The following NCK2 variants were observed in gnomAD, a reference collection of about 807,000 sequenced individuals.
NCK2 encodes cytoplasmic protein NCK2.
Under a neutral mutation model 33.9 loss-of-function variants are expected in NCK2, and 16 were observed. That is an observed-to-expected ratio of 0.47 (90% CI 0.32 to 0.72). NCK2 has a LOEUF of 0.72. Among genes scored for constraint, NCK2 ranks in the 30% least tolerant of loss-of-function variants. The pLI is 0.03. For synonymous variants in NCK2, 273 were observed against 239.9 expected (o/e 1.14, Z -1.27); for missense variants, 418 against 537.3 (o/e 0.78, Z 2.19).
intron 1 of NCK2, among the ~76,000 whole-genome samples, chr2:105,754,235 G>A (rs937678797): frequency 3.3e-5 from 5 of 152,212 alleles, no homozygotes; most frequent in African/African-American, 9.6e-5. Context: ...TCCAGGATAT[G>A]TGGTGGCAAA....
intron 4 of NCK2, among the ~76,000 whole-genome samples, chr2:105,882,650 G>A (rs1024210698): frequency 4.6e-5 from 7 of 152,170 alleles, no homozygotes; most frequent in Non-Finnish European, 8.8e-5. Flanking sequence ...TCGGAGATAT[G>A]AGGCCACTCG....
chr2:105,760,034 A>T (rs1288513489), intron 1 of NCK2, among the ~76,000 whole-genome samples: 1 of 152,114 alleles, frequency 6.6e-6, no homozygotes, highest in African/African-American at 2.4e-5. Context: ...AAGTGACTCC[A>T]CTGTCAAGTG....
chr2:105,812,202 C>T (rs1289677308), intron 1 of NCK2, among the ~76,000 whole-genome samples: 1 of 152,296 alleles, frequency 6.6e-6, no homozygotes, highest in African/African-American at 2.4e-5. Context: ...TTTGAAGCTG[C>T]TTCAGCTGTT....
At chr2:105,889,937 C>T (rs576890843) in intron 4 of NCK2, among the ~76,000 whole-genome samples, 3 of 152,276 alleles carry the variant, frequency 2.0e-5, no homozygotes, top group African/African-American at 7.2e-5. Flanking sequence ...TGCTGCTGGT[C>T]TTGAGAGCAC....
At chr2:105,755,943 G>C (rs1261432848) in intron 1 of NCK2, among the ~76,000 whole-genome samples, 2 of 152,180 alleles carry the variant, frequency 1.3e-5, no homozygotes, top group Non-Finnish European at 2.9e-5. Flanking sequence ...CCTCAGGGGA[G>C]AGAGACTAAA....
chr2:105,792,241 T>C (rs767370787), intron 1 of NCK2, among the ~76,000 whole-genome samples: 3 of 152,236 alleles, frequency 2.0e-5, no homozygotes, highest in Non-Finnish European at 4.4e-5. Context: ...CATTTTATGA[T>C]GATCTTGACA....
At chr2:105,863,079 C>A (rs1266905330) in intron 3 of NCK2, among the ~76,000 whole-genome samples, 1 of 152,228 alleles carries the variant, frequency 6.6e-6, no homozygotes, top group Admixed American at 6.5e-5. Context: ...TCAGAACTTT[C>A]TCTAATTATT....
At chr2:105,762,171 G>A (rs1202007139) in intron 1 of NCK2, among the ~76,000 whole-genome samples, 4 of 152,204 alleles carry the variant, frequency 2.6e-5, no homozygotes, top group Non-Finnish European at 5.9e-5. Context: ...AAGCTTGTGA[G>A]AAGCACAGTT....
At chr2:105,840,806 G>A (rs939938457) in intron 2 of NCK2, among the ~76,000 whole-genome samples, 1 of 152,218 alleles carries the variant, frequency 6.6e-6, no homozygotes, top group African/African-American at 2.4e-5. Flanking sequence ...ATGCAAAAGG[G>A]TGGCTTAGGC....
chr2:105,791,481 G>A (rs539921007), intron 1 of NCK2, among the ~76,000 whole-genome samples: 5 of 152,324 alleles, frequency 3.3e-5, no homozygotes, highest in African/African-American at 4.8e-5. Context: ...CGTGCTTACC[G>A]GCCAGAGTGC....
intron 4 of NCK2, among the ~76,000 whole-genome samples, chr2:105,885,231 A>G (rs1302620724): frequency 2.6e-5 from 4 of 152,192 alleles, no homozygotes; most frequent in Non-Finnish European, 5.9e-5. Flanking sequence ...GTAAGATTTT[A>G]GTTCCCGAAG....
chr2:105,753,846 C>G (rs1057021818), intron 1 of NCK2, among the ~76,000 whole-genome samples: 3 of 152,196 alleles, frequency 2.0e-5, no homozygotes, highest in African/African-American at 7.2e-5. Context: ...TTGAAGAATT[C>G]CAAGGTGGCT....
intron 3 of NCK2, among the ~76,000 whole-genome samples, chr2:105,873,799 G>A (rs922920836): frequency 1.3e-5 from 2 of 152,204 alleles, no homozygotes; most frequent in African/African-American, 4.8e-5. Flanking sequence ...GTTGGGGCCT[G>A]TCTCTCTGAG....
At chr2:105,865,418 G>A (rs1431074738) in intron 3 of NCK2, among the ~76,000 whole-genome samples, 1 of 152,156 alleles carries the variant, frequency 6.6e-6, no homozygotes, top group Non-Finnish European at 1.5e-5. Flanking sequence ...TCTGCCTCTT[G>A]TGATTGCTGT....
chr2:105,809,258 T>C (rs935521502), intron 1 of NCK2, among the ~76,000 whole-genome samples: 1 of 152,206 alleles, frequency 6.6e-6, no homozygotes, highest in Non-Finnish European at 1.5e-5. Flanking sequence ...TCCTGTTGCG[T>C]GTGTCATATG....
At chr2:105,892,521 T>C (rs1679029081) in intron 4 of NCK2, among the ~76,000 whole-genome samples, 1 of 150,292 alleles carries the variant, frequency 6.7e-6, no homozygotes, top group African/African-American at 2.5e-5. Flanking sequence ...TTTCTGAACA[T>C]CAGATGCCGT....
intron 1 of NCK2, among the ~76,000 whole-genome samples, chr2:105,756,086 CT>C (rs1365288029): frequency 6.6e-6 from 1 of 152,184 alleles, no homozygotes; most frequent in Admixed American, 6.5e-5. Context: ...TCTGAATGTT[CT>C]TTTTTTCTTT....
intron 3 of NCK2, among the ~76,000 whole-genome samples, chr2:105,860,048 G>A (rs1275413306): frequency 6.6e-6 from 1 of 152,214 alleles, no homozygotes; most frequent in African/African-American, 2.4e-5. Context: ...GCTTTGGGAG[G>A]CTGAGGTAGA....
intron 3 of NCK2, among the ~76,000 whole-genome samples, chr2:105,857,717 C>T (rs769002441): frequency 3.3e-5 from 5 of 152,218 alleles, no homozygotes; most frequent in African/African-American, 9.6e-5. Context: ...TCAGTATCCC[C>T]GTCATGAGGG....
Sources: allele counts gnomAD v4.1 joint callset (sites outside exome capture counted in the v4.1 genomes callset), GRCh38; gene constraint gnomAD v4.1.1; transcripts MANE v1.5; gene names NCBI Gene and HGNC (gene_info 2026-07-23, HGNC 2026-07-21).